The following BLOC1S5 variants were observed in gnomAD, a reference collection of about 807,000 sequenced individuals.
BLOC1S5 encodes the protein biogenesis of lysosomal organelles complex 1 subunit 5.
A neutral mutation model predicts 24.3 loss-of-function variants in BLOC1S5; 27 were observed. The ratio of observed to expected loss-of-function variants is 1.11; its 90% confidence interval spans 0.82 to 1.53. The LOEUF (loss-of-function observed/expected upper bound fraction) is 1.53, where lower values mean the gene tolerates loss of function less well. Among genes scored for constraint, BLOC1S5 ranks in the 40% most tolerant of loss-of-function variants. The pLI is 0.00. For synonymous variants in BLOC1S5, 84 were observed against 74.5 expected, an observed-to-expected ratio of 1.13 and a Z score of -0.66; for missense variants, 239 against 229.4, an observed-to-expected ratio of 1.04 and a Z score of -0.27.
Position 8,041,176 on chromosome 6 carries a change from GTC to G in BLOC1S5, c.286_287del (p.Asp96HisfsTer17), listed in dbSNP as rs1763666831. On this transcript the variant is annotated frameshift_variant, in exon 3 of 5. Transcript: ENST00000397457. LOFTEE classifies it high-confidence loss of function. The part of the protein sequence containing the change: ...TNEHTLPKCR[D>X]TMRDSLSQVL... ...CCTGGCTGAGGCTGTCCCGCATTGT[GTC>G]TCTACATTTGGGAAGAGTATGTTCA... The G allele has an allele frequency of 6.2e-7, 1 of 1,611,128 alleles. No individual in the cohort carries two copies. Among genetic ancestry groups the G allele is most frequent in the African/African-American group, 1.3e-5 (1 of 74,728 alleles).
chr6:8,041,124 G>C lies in BLOC1S5; in HGVS notation c.325+15C>G, dbSNP rs779294180. 4 of 1,561,208 alleles carry C rather than the reference G, an allele frequency of 2.6e-6. No individual in the cohort carries two copies. The East Asian group carries it at 6.9e-5, about 27-fold the overall frequency. On this transcript the variant is annotated intron_variant, in intron 3 of 4. Coordinates refer to ENST00000397457, the MANE Select transcript of BLOC1S5 (RefSeq NM_201280.3). ...TTTGAAATGAAAAGCAATTAAAAAA[G>C]AATTGCTGACTCACATCTCTGGAGA... is the stretch of plus-strand genomic sequence containing the variant.
intron 1 of BLOC1S5, among the ~76,000 whole-genome samples, chr6:8,063,425 T>C (rs75647381): frequency 0.045 from 6,894 of 152,284 alleles, 473 homozygotes; most frequent in African/African-American, 0.15. Flanking sequence ...AATGTAAGTC[T>C]CAAAATTCCT....
At chr6:8,058,373 A>G (rs1764391904) in intron 2 of BLOC1S5, among the ~76,000 whole-genome samples, 1 of 51,964 alleles carries the variant, frequency 1.9e-5, no homozygotes, top group East Asian at 3.1e-4. Flanking sequence ...AAAAAAAAAA[A>G]AAAAAAAAAA....
At chr6:8,021,083 T>C (rs528596130) in intron 4 of BLOC1S5, among the ~76,000 whole-genome samples, 11 of 151,928 alleles carry the variant, frequency 7.2e-5, no homozygotes, top group South Asian at 6.2e-4. Flanking sequence ...AAGAAGAAAA[T>C]TCTGACACAT....
At chr6:8,054,059 T>C (rs1764227829) in intron 2 of BLOC1S5, among the ~76,000 whole-genome samples, 1 of 152,242 alleles carries the variant, frequency 6.6e-6, no homozygotes, top group South Asian at 2.1e-4. Flanking sequence ...ACCTACACTT[T>C]ATATGATAAC....
At chr6:8,038,945 T>C (rs1483896155) in intron 3 of BLOC1S5, among the ~76,000 whole-genome samples, 1 of 152,208 alleles carries the variant, frequency 6.6e-6, no homozygotes, top group African/African-American at 2.4e-5. Context: ...TACCATATGA[T>C]CCAGCAATTC....
intron 4 of BLOC1S5, among the ~76,000 whole-genome samples, chr6:8,016,641 C>G (rs529521968): frequency 1.3e-5 from 2 of 151,888 alleles, no homozygotes; most frequent in East Asian, 3.9e-4. Flanking sequence ...CTGAGGCGGG[C>G]AGATCACCTG....
chr6:8,031,128 G>A (rs1396380301), intron 3 of BLOC1S5, among the ~76,000 whole-genome samples: 4 of 152,190 alleles, frequency 2.6e-5, no homozygotes, highest in Non-Finnish European at 5.9e-5. Flanking sequence ...GTTCTAGCCA[G>A]AGCAGTCAGA....
chr6:8,027,915 C>T (rs1763164965), intron 3 of BLOC1S5, among the ~76,000 whole-genome samples: 1 of 151,898 alleles, frequency 6.6e-6, no homozygotes, highest in African/African-American at 2.4e-5. Context: ...AAATCCTTTC[C>T]TTATTTCTTT....
Position 8,062,254 on chromosome 6 carries a change from T to C in BLOC1S5, c.195+280A>G, listed in dbSNP as rs185039194. 9.2e-3 allele frequency among the ~76,000 whole-genome samples: 1,398 copies of C among 151,684 alleles called. 24 individuals are homozygous for C. Among genetic ancestry groups the C allele is most frequent in the African/African-American group, 0.032 (1,329 of 41,126 alleles). ...CAGACCCATCAATCTCTAAAATCCC[T>C]TTTTTTCCCCCACTATATCTCATTT... On this transcript the variant is annotated intron_variant, in intron 2 of 4. Transcript: ENST00000397457.
At chr6:8,043,863 G>T (rs1763778137) in intron 2 of BLOC1S5, among the ~76,000 whole-genome samples, 1 of 152,120 alleles carries the variant, frequency 6.6e-6, no homozygotes. Flanking sequence ...CTAGGGGGAG[G>T]TAATTGAATC....
At chr6:8,060,977 A>G (rs570609394) in intron 2 of BLOC1S5, among the ~76,000 whole-genome samples, 9 of 152,276 alleles carry the variant, frequency 5.9e-5, no homozygotes, top group Admixed American at 4.6e-4. Flanking sequence ...GGCACATGCC[A>G]CCATGCCCGG....
chr6:8,023,741 C>G (rs17143299), intron 4 of BLOC1S5, among the ~76,000 whole-genome samples: 5,959 of 152,242 alleles, frequency 0.039, 372 homozygotes, highest in African/African-American at 0.13. Context: ...AATGCAGCTA[C>G]AGGTCAGGTC....
intron 3 of BLOC1S5, among the ~76,000 whole-genome samples, chr6:8,033,816 A>C (rs1024360902): frequency 6.6e-6 from 1 of 152,252 alleles, no homozygotes; most frequent in African/African-American, 2.4e-5. Context: ...AAAGTGGGCA[A>C]AGGATATGAA....
chr6:8,033,816 A>G (rs1024360902), intron 3 of BLOC1S5, among the ~76,000 whole-genome samples: 3 of 152,370 alleles, frequency 2.0e-5, no homozygotes, highest in Non-Finnish European at 4.4e-5. Context: ...AAAGTGGGCA[A>G]AGGATATGAA....
At chr6:8,017,482 G>T (rs1024056267) in intron 4 of BLOC1S5, among the ~76,000 whole-genome samples, 1 of 152,266 alleles carries the variant, frequency 6.6e-6, no homozygotes, top group Admixed American at 6.5e-5. Flanking sequence ...GACACGCAGC[G>T]TACTCAGATG....
chr6:8,051,969 CT>C (rs770301308), intron 2 of BLOC1S5, among the ~76,000 whole-genome samples: 2,811 of 109,742 alleles, frequency 0.026, 48 homozygotes, highest in African/African-American at 0.075. Context: ...ACATCCATGC[CT>C]TTTTTTTTTT....
At chr6:8,027,288 G>C (rs1763139927) in intron 3 of BLOC1S5, 7 of 454,684 alleles carry the variant, frequency 1.5e-5, no homozygotes, top group Non-Finnish European at 4.4e-6. Flanking sequence ...GAATGATCTT[G>C]GGCATGTTTG....
chr6:8,051,448 T>C lies in BLOC1S5; in HGVS notation c.196-10180A>G, dbSNP rs1764103043. Among the ~76,000 whole-genome samples, 4 of 152,290 alleles carry C rather than the reference T, an allele frequency of 2.6e-5. No individual in the cohort carries two copies. The South Asian group carries it at 8.3e-4, about 32-fold the overall frequency. On this transcript the variant is annotated intron_variant, in intron 2 of 4. Transcript: ENST00000397457. The stretch of plus-strand genomic sequence containing the variant: ...ATGAGATTTAAGGAAAGACACCATC[T>C]CCATAACATACAAGTGCAAGGTGAA...
Sources: allele counts gnomAD v4.1 joint callset (sites outside exome capture counted in the v4.1 genomes callset), GRCh38; gene constraint gnomAD v4.1.1; transcripts MANE v1.5; gene names NCBI Gene and HGNC (gene_info 2026-07-23, HGNC 2026-07-21).